The following CEP85L variants were observed in gnomAD, a reference collection of about 807,000 sequenced individuals.
CEP85L encodes centrosomal protein of 85 kDa-like.
In CEP85L, 60 loss-of-function variants were observed where a neutral mutation model predicts 100.3. That is an observed-to-expected ratio of 0.60 (90% CI 0.49 to 0.74). The LOEUF (loss-of-function observed/expected upper bound fraction) is 0.74. Ranked by LOEUF, CEP85L falls within the 30% of genes least tolerant of loss-of-function variation. CEP85L has a pLI of 0.00. For missense variants in CEP85L, 973 were observed against 936.2 expected, an observed-to-expected ratio of 1.04 and a Z score of -0.51; for synonymous variants, 319 against 322.7, an observed-to-expected ratio of 0.99 and a Z score of 0.12.
At chr6:118,504,894 T>C (rs1173104551) in intron 5 of CEP85L, among the ~76,000 whole-genome samples, 3 of 152,016 alleles carry the variant, frequency 2.0e-5, no homozygotes, top group Admixed American at 1.3e-4. Flanking sequence ...ACAAATACCA[T>C]ACATGTGGTG....
intron 3 of CEP85L, among the ~76,000 whole-genome samples, chr6:118,544,163 C>T (rs1778066421): frequency 6.6e-6 from 1 of 152,174 alleles, no homozygotes; most frequent in Non-Finnish European, 1.5e-5. Flanking sequence ...ATACTACAAT[C>T]ATTAAATTGA....
intron 10 of CEP85L, among the ~76,000 whole-genome samples, chr6:118,475,782 T>G (rs949019160): frequency 6.6e-6 from 1 of 152,180 alleles, no homozygotes; most frequent in Non-Finnish European, 1.5e-5. Flanking sequence ...CCTAAGTATC[T>G]CAGAAACTAA....
At chr6:118,575,416 A>G (rs563938106) in intron 2 of CEP85L, among the ~76,000 whole-genome samples, 7 of 152,328 alleles carry the variant, frequency 4.6e-5, no homozygotes, top group Admixed American at 4.6e-4. Context: ...GAATATGTCA[A>G]TGACAAAAGT....
chr6:118,568,372 A>G (rs950834952), intron 2 of CEP85L, among the ~76,000 whole-genome samples: 2 of 152,212 alleles, frequency 1.3e-5, no homozygotes, highest in African/African-American at 4.8e-5. Context: ...TATGTGCTCA[A>G]CCAGCCAGTA....
intron 1 of CEP85L, among the ~76,000 whole-genome samples, chr6:118,641,013 G>A (rs1309169268): frequency 6.6e-6 from 1 of 152,144 alleles, no homozygotes; most frequent in East Asian, 1.9e-4. Flanking sequence ...TCTGTACTGA[G>A]TCAACATTTT....
intron 1 of CEP85L, among the ~76,000 whole-genome samples, chr6:118,686,341 C>T (rs1005676083): frequency 5.9e-5 from 9 of 152,114 alleles, no homozygotes; most frequent in Admixed American, 2.0e-4. Context: ...TTCTCTCACT[C>T]CAGTAAAATC....
chr6:118,527,102 C>T (rs1777020430), intron 3 of CEP85L, among the ~76,000 whole-genome samples: 1 of 148,988 alleles, frequency 6.7e-6, no homozygotes, highest in South Asian at 2.1e-4. Context: ...GCAACCTCTG[C>T]CTCCTGGGTT....
At chr6:118,682,664 A>G (rs1297263362) in intron 1 of CEP85L, among the ~76,000 whole-genome samples, 5 of 151,778 alleles carry the variant, frequency 3.3e-5, no homozygotes, top group Non-Finnish European at 7.4e-5. Flanking sequence ...TTTATGCTTC[A>G]GGTAGAGGTA....
chr6:118,645,703 A>C (rs1010439224), intron 1 of CEP85L, among the ~76,000 whole-genome samples: 2 of 151,976 alleles, frequency 1.3e-5, no homozygotes, highest in Non-Finnish European at 2.9e-5. Context: ...AACAAACAAA[A>C]CCTAAAAAAT....
Position 118,480,281 on chromosome 6 carries a change from A to C in CEP85L, c.1863+115T>G, listed in dbSNP as rs949940940. ...AAACATTCAAACTAGAAACTATGTAAGTGATTAAATATTAACAAAATATAA... is the reference window on the plus strand; with the variant it reads ...AAACATTCAAACTAGAAACTATGTACGTGATTAAATATTAACAAAATATAA... On this transcript the variant is annotated intron_variant, in intron 9 of 12. Transcript: ENST00000368491. 31 of 567,284 alleles carry C rather than the reference A, an allele frequency of 5.5e-5. No individual in the cohort carries two copies. In the Middle Eastern group the frequency reaches 1.4e-3, roughly 26 times the overall value. 35.1% of individuals were successfully genotyped at this position (567,284 alleles called of 1,614,324 possible). A position where few individuals can be genotyped will look rare whatever the true frequency, so the allele number is the denominator to read the frequency against.
At chr6:118,588,007 C>T (rs1027800829) in intron 2 of CEP85L, among the ~76,000 whole-genome samples, 1 of 152,182 alleles carries the variant, frequency 6.6e-6, no homozygotes, top group Admixed American at 6.5e-5. Flanking sequence ...TTAATCCTCC[C>T]AAGGCATTAG....
chr6:118,598,015 G>C (rs1214578432), intron 2 of CEP85L, among the ~76,000 whole-genome samples: 1 of 152,192 alleles, frequency 6.6e-6, no homozygotes, highest in Non-Finnish European at 1.5e-5. Context: ...GAGTTTGTCT[G>C]TGAATCTCAA....
At chr6:118,660,976 C>G (rs1314804142) in intron 1 of CEP85L, among the ~76,000 whole-genome samples, 1 of 151,892 alleles carries the variant, frequency 6.6e-6, no homozygotes, top group African/African-American at 2.4e-5. Context: ...ATCTCGGCCT[C>G]CTGGGTTCAG....
intron 3 of CEP85L, among the ~76,000 whole-genome samples, chr6:118,541,934 AATT>A (rs1169283646): frequency 6.6e-6 from 1 of 152,172 alleles, no homozygotes; most frequent in Non-Finnish European, 1.5e-5. Flanking sequence ...AAATCTTGAA[AATT>A]ATTACATTTC....
In CEP85L at chr6:118,491,760, C is replaced by T. The variant is rs759307314; in HGVS notation, c.1363G>A (p.Val455Ile). ...EQKLASTEKE[V>I]LQLNEFLKQR... ...TTGAGAAACTCATTAAGCTGTAAAA[C>T]TTCTTTCTCAGTAGATGCAAGCTTT... is the stretch of plus-strand genomic sequence containing the variant. Residue 455 changes from valine to isoleucine, a missense_variant, in exon 6 of 13, where the codon GTT becomes ATT. By Grantham distance (29) the Val-to-Ile change is conservative (BLOSUM62 3). Transcript: ENST00000368491. 5 of 1,613,200 alleles carry T rather than the reference C, an allele frequency of 3.1e-6. No individual in the cohort carries two copies. The South Asian group carries it at 3.3e-5, about 11-fold the overall frequency.
intron 3 of CEP85L, among the ~76,000 whole-genome samples, chr6:118,533,374 C>CA (rs1421394149): frequency 2.0e-5 from 3 of 151,954 alleles, no homozygotes; most frequent in African/African-American, 4.8e-5. Flanking sequence ...TGAATTAGAC[C>CA]AACTTCTTAA....
chr6:118,470,199 C>T (rs1188117754), intron 11 of CEP85L, among the ~76,000 whole-genome samples: 4 of 151,984 alleles, frequency 2.6e-5, no homozygotes, highest in Admixed American at 1.3e-4. Context: ...TTGAAAACTG[C>T]TAATTAAAGG....
Position 118,464,866 on chromosome 6 carries a change from A to C in CEP85L, c.*539T>G, listed in dbSNP as rs1772407131. ...TGGTTTTGCCTCCTGTACTACCATG[A>C]CAACACTTGCCTGCTGTTTGAACTC... is the stretch of plus-strand genomic sequence containing the variant. On this transcript the variant is annotated 3_prime_UTR_variant, in exon 13 of 13. Coordinates refer to ENST00000368491, the MANE Select transcript of CEP85L (RefSeq NM_001042475.3). 6.6e-6 allele frequency: 1 copy of C among 152,406 alleles called. No individual in the cohort carries two copies. Among genetic ancestry groups the C allele is most frequent in the African/African-American group, 2.4e-5 (1 of 41,432 alleles). 9.4% of individuals were successfully genotyped at this position (152,406 alleles called of 1,614,324 possible).
At position 118,501,500 on chromosome 6, in the gene CEP85L, G is replaced by A. The variant is rs17080257; in HGVS notation, c.1258-9635C>T. The A allele has an allele frequency of 4.3e-3, 1,974 of 459,614 alleles. 49 individuals carry two copies. The highest frequency in any genetic ancestry group is 0.037 in the African/African-American group (1,838 of 49,074). 28.5% of individuals were successfully genotyped at this position (459,614 alleles called of 1,614,324 possible). On this transcript the variant is annotated intron_variant, in intron 5 of 12. Transcript: ENST00000368491. ...TCTTTTCGTTTTCTGTGATTTTATT[G>A]CTCCTGGCTACTCCATCATCATTAA... is the stretch of plus-strand genomic sequence containing the variant.
Sources: allele counts gnomAD v4.1 joint callset (sites outside exome capture counted in the v4.1 genomes callset), GRCh38; gene constraint gnomAD v4.1.1; transcripts MANE v1.5; gene names NCBI Gene and HGNC (gene_info 2026-07-23, HGNC 2026-07-21).